Variants in TMEM273 observed in about 807,000 individuals in gnomAD.
The protein encoded by TMEM273 is transmembrane protein 273.
TMEM273 carries 19 observed loss-of-function variants against 17.9 expected under a neutral mutation model. That is an observed-to-expected ratio of 1.06 (90% CI 0.74 to 1.55). The LOEUF (loss-of-function observed/expected upper bound fraction) is 1.55. Ranked by LOEUF, TMEM273 falls within the 40% of genes most tolerant of loss-of-function variation. The pLI is 0.00. For synonymous variants in TMEM273, 66 were observed against 62.0 expected, an observed-to-expected ratio of 1.07 and a Z score of -0.31; for missense variants, 194 against 155.6, an observed-to-expected ratio of 1.25 and a Z score of -1.31.
chr10:49,181,481 T>A (rs1213773147), intron 1 of TMEM273, among the ~76,000 whole-genome samples: 2 of 152,120 alleles, frequency 1.3e-5, no homozygotes, highest in African/African-American at 2.4e-5. Flanking sequence ...TTTACAGAAA[T>A]CAAGACTGTG....
At chr10:49,156,446 CA>C (rs1845515763) in intron 6 of TMEM273, among the ~76,000 whole-genome samples, 1 of 152,176 alleles carries the variant, frequency 6.6e-6, no homozygotes, top group Non-Finnish European at 1.5e-5. Flanking sequence ...GTCAACAAAC[CA>C]GACTCAGAAA....
intron 6 of TMEM273, among the ~76,000 whole-genome samples, chr10:49,159,973 A>AGTCCACAG (rs373600635): frequency 9.0e-4 from 137 of 152,330 alleles, no homozygotes; most frequent in African/African-American, 3.3e-3. Context: ...AATGCCTTGA[A>AGTCCACAG]GTCCACAGTA....
chr10:49,161,631 C>T lies in TMEM273; in HGVS notation c.349-9G>A, dbSNP rs1845846406. 1.2e-6 allele frequency: 2 copies of T among 1,614,108 alleles called. No homozygotes were observed. The highest frequency in any genetic ancestry group is 1.3e-5 in the African/African-American group (1 of 74,934). ...AGAAATTGTGGTTTCGCCTGCAAAA[C>T]AAGATAAAAGGGTGTTCATTGCCTA... On this transcript the variant is annotated splice_polypyrimidine_tract_variant and intron_variant, in intron 5 of 6. Transcript: ENST00000374153.
intron 1 of TMEM273, among the ~76,000 whole-genome samples, chr10:49,182,397 A>G (rs943394415): frequency 6.6e-6 from 1 of 152,196 alleles, no homozygotes; most frequent in African/African-American, 2.4e-5. Flanking sequence ...TCTTTTCATT[A>G]TAAATTAAGG....
chr10:49,157,747 C>T (rs1360729921), intron 6 of TMEM273, among the ~76,000 whole-genome samples: 1 of 152,164 alleles, frequency 6.6e-6, no homozygotes, highest in Non-Finnish European at 1.5e-5. Flanking sequence ...TGATGGACAC[C>T]ACTAGTGGAT....
intron 6 of TMEM273, among the ~76,000 whole-genome samples, chr10:49,156,812 A>G (rs1315656166): frequency 1.3e-5 from 2 of 152,230 alleles, no homozygotes; most frequent in Admixed American, 1.3e-4. Flanking sequence ...CGTAATGGTC[A>G]GGGATATAGA....
chr10:49,172,919 A>G (rs1484974131), intron 1 of TMEM273, among the ~76,000 whole-genome samples: 1 of 152,238 alleles, frequency 6.6e-6, no homozygotes, highest in Non-Finnish European at 1.5e-5. Context: ...GGAATGTGTG[A>G]ACCCTGCCTG....
intron 1 of TMEM273, among the ~76,000 whole-genome samples, chr10:49,182,538 C>T (rs1455127442): frequency 6.6e-6 from 1 of 152,150 alleles, no homozygotes; most frequent in East Asian, 1.9e-4. Context: ...ACATAGATTT[C>T]AGCAGATGCT....
At position 49,175,977 on chromosome 10, in the gene TMEM273, C is replaced by A. The variant is rs368940558; in HGVS notation, c.44-8015G>T. On this transcript the variant is annotated intron_variant, in intron 1 of 6. Transcript: ENST00000374153. ...TGAGCCTCTCTGTGGGGATCTGAAA[C>A]CTCACCATGACTCCCATGGTGGGTG... is the stretch of plus-strand genomic sequence containing the variant. 7.2e-5 allele frequency among the ~76,000 whole-genome samples: 11 copies of A among 152,332 alleles called. No homozygotes were observed. In the East Asian group the frequency reaches 2.1e-3, roughly 29 times the overall value.
At chr10:49,165,898 G>T (rs1323497754) in intron 3 of TMEM273, 102 bp from the exon 4 acceptor site, 6 of 1,501,232 alleles carry the variant, frequency 4.0e-6, no homozygotes, top group South Asian at 2.3e-5. Flanking sequence ...TCTCACTCAC[G>T]GTTGCCCTCG....
chr10:49,155,591 T>G lies in TMEM273; in HGVS notation c.*301A>C. 1 of 496,212 alleles carries G rather than the reference T, an allele frequency of 2.0e-6. No homozygotes were observed. The highest frequency in any genetic ancestry group is 3.6e-6 in the Non-Finnish European group (1 of 277,066). 30.7% of individuals were successfully genotyped at this position (496,212 alleles called of 1,614,324 possible). ...CACGGACATGGACACCATGGCCTCA[T>G]GGAAGCATGAACAGCTCCAACACAG... On this transcript the variant is annotated 3_prime_UTR_variant, in exon 7 of 7. Transcript: ENST00000374153.
At chr10:49,179,738 T>G (rs1192192625) in intron 1 of TMEM273, among the ~76,000 whole-genome samples, 1 of 152,042 alleles carries the variant, frequency 6.6e-6, no homozygotes, top group Admixed American at 6.5e-5. Flanking sequence ...ATGTCCCAGA[T>G]GGGAATTGGA....
chr10:49,162,106 AC>A (rs1462166358), intron 5 of TMEM273, among the ~76,000 whole-genome samples: 1 of 152,156 alleles, frequency 6.6e-6, no homozygotes, highest in Non-Finnish European at 1.5e-5. Flanking sequence ...GCTCAAAATA[AC>A]CCAGAACTTC....
chr10:49,168,578 C>T (rs1163346751), intron 1 of TMEM273, among the ~76,000 whole-genome samples: 3 of 152,020 alleles, frequency 2.0e-5, no homozygotes, highest in Non-Finnish European at 4.4e-5. Context: ...GCTGGTCTCG[C>T]TCTGGGCTGC....
chr10:49,172,817 G>A lies in TMEM273; in HGVS notation c.44-4855C>T, dbSNP rs80355809. Among the ~76,000 whole-genome samples, 287 of 152,338 alleles carry A rather than the reference G, an allele frequency of 1.9e-3. 2 individuals carry two copies. Among genetic ancestry groups the A allele is most frequent in the African/African-American group, 6.4e-3 (264 of 41,574 alleles). On this transcript the variant is annotated intron_variant, in intron 1 of 6. Coordinates refer to ENST00000374153, the MANE Select transcript of TMEM273 (RefSeq NM_001288740.3). The stretch of plus-strand genomic sequence containing the variant: ...GCAAGCACACCACCACCTGAGACGG[G>A]CATCTGCCAATTTCTAGGGGTGATG...
At chr10:49,183,353 TTGTGTGTGTGTG>T (rs3079989) in intron 1 of TMEM273, among the ~76,000 whole-genome samples, 1 of 148,740 alleles carries the variant, frequency 6.7e-6, no homozygotes, top group African/African-American at 2.5e-5. Context: ...AGGAAACAAA[TTGTGTGTGTGTG>T]TGTGTGTGTG....
At chr10:49,183,807 A>G (rs1847500729) in intron 1 of TMEM273, among the ~76,000 whole-genome samples, 1 of 152,236 alleles carries the variant, frequency 6.6e-6, no homozygotes, top group African/African-American at 2.4e-5. Flanking sequence ...GTCGGCTCTC[A>G]GGAAGTGAAA....
At position 49,169,095 on chromosome 10, in the gene TMEM273, G is replaced by C. The variant is rs138500042; in HGVS notation, c.44-1133C>G. Reference sequence around the variant, plus strand: ...AGAGTCCAGGAAGGCCTACAGACGTGAATGTGAATCCAGTGAACTAACAGA... The same window carrying C: ...AGAGTCCAGGAAGGCCTACAGACGTCAATGTGAATCCAGTGAACTAACAGA... On this transcript the variant is annotated intron_variant, in intron 1 of 6. Coordinates refer to ENST00000374153, the MANE Select transcript of TMEM273 (RefSeq NM_001288740.3). 8.9e-4 allele frequency among the ~76,000 whole-genome samples: 135 copies of C among 152,296 alleles called. No individual in the cohort carries two copies. The Middle Eastern group carries it at 0.01, about 12-fold the overall frequency.
At chr10:49,166,793 G>A (rs749194151) in intron 3 of TMEM273, 76 bp downstream of exon 3, 4 of 1,592,748 alleles carry the variant, frequency 2.5e-6, no homozygotes, top group African/African-American at 2.7e-5. Context: ...CATTCTTGCT[G>A]TAGCCAGCAT....
Sources: allele counts gnomAD v4.1 joint callset (sites outside exome capture counted in the v4.1 genomes callset), GRCh38; gene constraint gnomAD v4.1.1; transcripts MANE v1.5; gene names NCBI Gene and HGNC (gene_info 2026-07-23, HGNC 2026-07-21).